The following GPC6 variants were observed in gnomAD, a reference collection of about 807,000 sequenced individuals.
GPC6 encodes the protein glypican-6.
Under a neutral mutation model 55.2 loss-of-function variants are expected in GPC6, and 14 were observed. That is an observed-to-expected ratio of 0.25 (90% CI 0.17 to 0.40). The LOEUF (loss-of-function observed/expected upper bound fraction) is 0.40. GPC6 is among the 10% of genes least tolerant of loss of function. GPC6 has a pLI of 1.00. For synonymous variants in GPC6, 278 were observed against 259.6 expected (o/e 1.07, Z -0.68); for missense variants, 641 against 708.5 (o/e 0.90, Z 1.08).
chr13:93,329,574 G>A (rs1879768799), intron 1 of GPC6, among the ~76,000 whole-genome samples: 1 of 152,144 alleles, frequency 6.6e-6, no homozygotes, highest in South Asian at 2.1e-4. Context: ...AACTTTATAA[G>A]TGAATAGTCT....
intron 6 of GPC6, among the ~76,000 whole-genome samples, chr13:94,327,440 C>T (rs1357424983): frequency 1.3e-5 from 2 of 152,252 alleles, no homozygotes; most frequent in South Asian, 4.1e-4. Context: ...ATCTCTACCT[C>T]ACAGCTGTGG....
intron 1 of GPC6, among the ~76,000 whole-genome samples, chr13:93,287,287 G>T (rs370908308): frequency 6.6e-6 from 1 of 152,126 alleles, no homozygotes; most frequent in African/African-American, 2.4e-5. Context: ...TTAAAAAGTC[G>T]CCAATGAGAA....
chr13:93,472,826 C>T (rs1235979940), intron 1 of GPC6, among the ~76,000 whole-genome samples: 2 of 152,172 alleles, frequency 1.3e-5, no homozygotes, highest in Admixed American at 6.5e-5. Flanking sequence ...GGTACATAGA[C>T]AAGTGAAGGG....
intron 3 of GPC6, among the ~76,000 whole-genome samples, chr13:93,875,697 T>A (rs1889271652): frequency 6.6e-6 from 1 of 152,222 alleles, no homozygotes; most frequent in Non-Finnish European, 1.5e-5. Flanking sequence ...ATGTGACACC[T>A]GGCAGGTGCC....
intron 5 of GPC6, among the ~76,000 whole-genome samples, chr13:94,304,865 A>T (rs1245337796): frequency 3.3e-5 from 5 of 152,228 alleles, no homozygotes; most frequent in Admixed American, 2.0e-4. Flanking sequence ...AGCTGTTATT[A>T]TATGGATTTC....
rs535015003 is a variant in GPC6 at position 93,312,162 on chromosome 13, G to A, written c.160+84546G>A. 2.0e-5 allele frequency among the ~76,000 whole-genome samples: 3 copies of A among 152,032 alleles called. No individual in the cohort carries two copies. In the South Asian group the frequency reaches 6.2e-4, roughly 32 times the overall value. On this transcript the variant is annotated intron_variant, in intron 1 of 8. Coordinates refer to ENST00000377047, the MANE Select transcript of GPC6 (RefSeq NM_005708.5). ...CTCTTTTTTTCTTTTCTTATTCCAG[G>A]TCTTTGGAAAATAGTCAGTTTTTTG...
At chr13:93,268,479 T>C (rs555827164) in intron 1 of GPC6, among the ~76,000 whole-genome samples, 2 of 152,076 alleles carry the variant, frequency 1.3e-5, no homozygotes, top group Non-Finnish European at 2.9e-5. Flanking sequence ...GGCCTGAGAA[T>C]ACAGCAATGA....
intron 1 of GPC6, among the ~76,000 whole-genome samples, chr13:93,244,935 A>G (rs111858192): frequency 8.1e-4 from 123 of 152,308 alleles, no homozygotes; most frequent in African/African-American, 2.9e-3. Flanking sequence ...CTTCAAAAAA[A>G]AAACTTCATA....
chr13:94,369,998 C>T (rs1879467314), intron 6 of GPC6, among the ~76,000 whole-genome samples: 1 of 152,226 alleles, frequency 6.6e-6, no homozygotes, highest in Admixed American at 6.5e-5. Context: ...CTGGTACACA[C>T]AAAGCTCTGT....
At chr13:93,322,500 A>G (rs1384941214) in intron 1 of GPC6, among the ~76,000 whole-genome samples, 1 of 125,806 alleles carries the variant, frequency 7.9e-6, no homozygotes, top group Non-Finnish European at 1.5e-5. Context: ...GCAATGGTGC[A>G]TTCTCGGCTC....
At chr13:93,437,389 C>T (rs748831545) in intron 1 of GPC6, among the ~76,000 whole-genome samples, 2 of 152,118 alleles carry the variant, frequency 1.3e-5, no homozygotes, top group Admixed American at 6.6e-5. Context: ...AGACCTCTTG[C>T]GCCAAACAGT....
intron 2 of GPC6, among the ~76,000 whole-genome samples, chr13:93,555,631 T>C (rs1875421230): frequency 6.6e-6 from 1 of 152,218 alleles, no homozygotes; most frequent in Non-Finnish European, 1.5e-5. Context: ...AGAGTGCCTT[T>C]ACTTAGAGTA....
At chr13:93,569,446 C>A (rs918331872) in intron 2 of GPC6, among the ~76,000 whole-genome samples, 1 of 151,922 alleles carries the variant, frequency 6.6e-6, no homozygotes, top group Non-Finnish European at 1.5e-5. Context: ...TTTCAATCAA[C>A]TTCCTCATTC....
chr13:93,833,097 A>G (rs568980662), intron 3 of GPC6, among the ~76,000 whole-genome samples: 1,759 of 136,038 alleles, frequency 0.013, 61 homozygotes, highest in African/African-American at 0.047. Context: ...ATGGGTAGAT[A>G]GGTAGATGAT....
intron 4 of GPC6, among the ~76,000 whole-genome samples, chr13:94,111,995 A>G (rs1886266377): frequency 6.6e-6 from 1 of 152,136 alleles, no homozygotes; most frequent in African/African-American, 2.4e-5. Context: ...GCTAATCAAC[A>G]CACTTGAACC....
At chr13:93,237,023 A>T (rs1876258362) in intron 1 of GPC6, among the ~76,000 whole-genome samples, 1 of 152,204 alleles carries the variant, frequency 6.6e-6, no homozygotes, top group Non-Finnish European at 1.5e-5. Context: ...GTGTTGTGAT[A>T]AATATATGAG....
intron 4 of GPC6, among the ~76,000 whole-genome samples, chr13:94,129,324 T>C (rs1886933336): frequency 6.6e-6 from 1 of 152,126 alleles, no homozygotes; most frequent in African/African-American, 2.4e-5. Flanking sequence ...CGCCTCTCTA[T>C]AAGCAGGGAA....
intron 4 of GPC6, among the ~76,000 whole-genome samples, chr13:94,114,853 T>A (rs905436613): frequency 1.3e-5 from 2 of 152,112 alleles, no homozygotes; most frequent in Non-Finnish European, 2.9e-5. Context: ...TCATAATAAT[T>A]CTAAATGGTA....
intron 8 of GPC6, among the ~76,000 whole-genome samples, chr13:94,402,544 C>T (rs1881187820): frequency 1.3e-5 from 2 of 152,126 alleles, no homozygotes; most frequent in Admixed American, 1.3e-4. Flanking sequence ...GAGATTTTGC[C>T]TCCCACCACC....
Sources: allele counts gnomAD v4.1 joint callset (sites outside exome capture counted in the v4.1 genomes callset), GRCh38; gene constraint gnomAD v4.1.1; transcripts MANE v1.5; gene names NCBI Gene and HGNC (gene_info 2026-07-23, HGNC 2026-07-21).